The following GSAP variants were observed in gnomAD, a reference collection of about 807,000 sequenced individuals.
The protein encoded by GSAP is gamma-secretase-activating protein.
Under a neutral mutation model 131.7 loss-of-function variants are expected in GSAP, and 118 were observed. The observed-to-expected ratio is 0.90, with a 90% CI of 0.77 to 1.04. GSAP has a LOEUF of 1.04. Ranked by LOEUF, GSAP falls within the 50% of genes least tolerant of loss-of-function variation. The pLI, the probability that GSAP is intolerant of heterozygous loss-of-function variation, is 0.00. For synonymous variants in GSAP, 381 were observed against 363.4 expected (o/e 1.05, Z -0.55); for missense variants, 1,019 against 1,013.2 (o/e 1.01, Z -0.08).
At chr7:77,326,181 C>A in intron 23 of GSAP, 31 bp downstream of exon 23, 1 of 1,510,386 alleles carries the variant, frequency 6.6e-7, no homozygotes, top group South Asian at 1.2e-5. Flanking sequence ...TCCTTGTTTG[C>A]CAGCCCCTAA....
upstream of GSAP, chr7:77,416,419 C>G (rs771325445): frequency 1.6e-4 from 89 of 562,226 alleles, 2 homozygotes; most frequent in Non-Finnish European, 2.4e-4. Flanking sequence ...CTCCCGCCCC[C>G]TCTTTCCTCT....
chr7:77,327,194 A>G (rs1274251423), intron 22 of GSAP: 1 of 152,216 alleles, frequency 6.6e-6, no homozygotes, highest in African/African-American at 2.4e-5. Context: ...AAGGAAAGGG[A>G]AGAGTTTCCT....
At chr7:77,358,164 A>T (rs1794031520) in intron 14 of GSAP, among the ~76,000 whole-genome samples, 1 of 152,190 alleles carries the variant, frequency 6.6e-6, no homozygotes, top group Non-Finnish European at 1.5e-5. Context: ...AGCATGACAA[A>T]ACCCCATCTC....
chr7:77,340,924 C>A (rs557721792), intron 19 of GSAP, among the ~76,000 whole-genome samples: 9 of 152,064 alleles, frequency 5.9e-5, no homozygotes, highest in Non-Finnish European at 1.3e-4. Context: ...CTATGGGCAA[C>A]CTTCCACCCT....
chr7:77,314,732 A>G, intron 26 of GSAP: 1 of 391,380 alleles, frequency 2.6e-6, no homozygotes, highest in South Asian at 2.8e-5. Flanking sequence ...CTTCCTGCAC[A>G]GAAACAGAGC....
chr7:77,415,865 TGCGGC>T, intron 1 of GSAP: 1 of 230,672 alleles, frequency 4.3e-6, no homozygotes, highest in Non-Finnish European at 8.5e-6. Flanking sequence ...GGAGGTGGGA[TGCGGC>T]CGCTGAGCTG....
chr7:77,412,776 C>CAA (rs34619648), intron 1 of GSAP, among the ~76,000 whole-genome samples: 11 of 110,698 alleles, frequency 9.9e-5, no homozygotes, highest in South Asian at 2.8e-4. Context: ...ACCAGTTTGA[C>CAA]AAAAAAAAAA....
intron 7 of GSAP, 54 bp downstream of exon 7, chr7:77,382,520 G>A (rs1019898067): frequency 1.4e-5 from 13 of 913,962 alleles, no homozygotes; most frequent in Admixed American, 6.9e-5. Flanking sequence ...TACCACACTA[G>A]GAGACGATAT....
chr7:77,353,467 A>T, intron 17 of GSAP, 105 bp downstream of exon 17: 1 of 660,338 alleles, frequency 1.5e-6, no homozygotes. Context: ...AATGTGCTCC[A>T]AAGTAGCATT....
At chr7:77,352,889 ACC>A in intron 18 of GSAP, 53 bp downstream of exon 18, 1 of 1,012,372 alleles carries the variant, frequency 9.9e-7, no homozygotes. Context: ...CCAACAACTG[ACC>A]CACAACTGTG....
Position 77,311,158 on chromosome 7 carries a change from T to C in GSAP, c.*200A>G, listed in dbSNP as rs1288115900. ...CCATTTATCATTTCTCTACACTTGA[T>C]TGCTCACTGGCTATTCAAAATTGGA... On this transcript the variant is annotated 3_prime_UTR_variant, in exon 31 of 31. Coordinates refer to ENST00000257626, the MANE Select transcript of GSAP (RefSeq NM_017439.4). The C allele has an allele frequency of 1.9e-6, 1 of 534,986 alleles. No homozygotes were observed. Among genetic ancestry groups the C allele is most frequent in the Non-Finnish European group, 3.3e-6 (1 of 299,018 alleles). The allele number at this position is 534,986 out of a possible 1,614,324, so 33.1% of individuals were successfully genotyped here.
intron 19 of GSAP, among the ~76,000 whole-genome samples, chr7:77,345,989 G>A (rs1791752055): frequency 6.6e-6 from 1 of 152,072 alleles, no homozygotes; most frequent in South Asian, 2.1e-4. Flanking sequence ...TAGGGGAATA[G>A]ATCAAAAGAA....
intron 16 of GSAP, among the ~76,000 whole-genome samples, chr7:77,354,732 T>A (rs1793399692): frequency 6.6e-6 from 1 of 151,528 alleles, no homozygotes; most frequent in African/African-American, 2.4e-5. Flanking sequence ...CCACATCTGA[T>A]AAAGAGATTT....
intron 12 of GSAP, among the ~76,000 whole-genome samples, chr7:77,363,684 A>G (rs1794854053): frequency 6.6e-6 from 1 of 152,262 alleles, no homozygotes; most frequent in Non-Finnish European, 1.5e-5. Context: ...ATGACTTTTT[A>G]ATGACATTTA....
chr7:77,328,258 A>C (rs2150667232), intron 22 of GSAP: 1 of 1,057,172 alleles, frequency 9.5e-7, no homozygotes, highest in Non-Finnish European at 1.1e-6. Context: ...CGGTAGGATC[A>C]GACAGCTAGA....
intron 22 of GSAP, chr7:77,328,365 G>A (rs1788612651): frequency 3.2e-6 from 4 of 1,260,738 alleles, no homozygotes; most frequent in Non-Finnish European, 2.0e-6. Flanking sequence ...AGAACCGCAA[G>A]GCCATCACCC....
At chr7:77,405,987 A>G in intron 2 of GSAP, 42 bp downstream of exon 2, 1 of 726,734 alleles carries the variant, frequency 1.4e-6, no homozygotes, top group Non-Finnish European at 2.0e-6. Context: ...TAAAAACAGT[A>G]AATTTTACAT....
At chr7:77,363,158 A>G (rs1794786247) in intron 12 of GSAP, among the ~76,000 whole-genome samples, 1 of 152,372 alleles carries the variant, frequency 6.6e-6, no homozygotes, top group Non-Finnish European at 1.5e-5. Flanking sequence ...ATGTGAGTCC[A>G]TATCCATCCG....
intron 23 of GSAP, among the ~76,000 whole-genome samples, chr7:77,324,548 C>T (rs551928779): frequency 6.6e-5 from 10 of 152,126 alleles, no homozygotes; most frequent in Admixed American, 3.3e-4. Flanking sequence ...TACAATACCC[C>T]GAGTAAAACC....
Sources: allele counts gnomAD v4.1 joint callset (sites outside exome capture counted in the v4.1 genomes callset), GRCh38; gene constraint gnomAD v4.1.1; transcripts MANE v1.5; gene names NCBI Gene and HGNC (gene_info 2026-07-23, HGNC 2026-07-21).